The following PPIL6 variants were observed in gnomAD, a reference collection of about 807,000 sequenced individuals.
PPIL6 encodes the protein peptidylprolyl isomerase like 6, also known as probable inactive peptidyl-prolyl cis-trans isomerase-like 6.
In PPIL6, 39 loss-of-function variants were observed where a neutral mutation model predicts 36.8. The ratio of observed to expected loss-of-function variants is 1.06; its 90% CI spans 0.82 to 1.38. The LOEUF (loss-of-function observed/expected upper bound fraction) is 1.38, where lower values mean the gene tolerates loss of function less well. Among genes scored for constraint, PPIL6 ranks in the 40% most tolerant of loss-of-function variants. The pLI is 0.00. For synonymous variants in PPIL6, 123 were observed against 134.1 expected, an observed-to-expected ratio of 0.92 and a Z score of 0.57; for missense variants, 368 against 379.1, an observed-to-expected ratio of 0.97 and a Z score of 0.24.
At chr6:109,417,127 G>A (rs189190995) in intron 6 of PPIL6, among the ~76,000 whole-genome samples, 2 of 149,746 alleles carry the variant, frequency 1.3e-5, no homozygotes, top group Admixed American at 6.7e-5. Flanking sequence ...CTATGATCAC[G>A]CCATTGCACT....
At position 109,391,002 on chromosome 6, in the gene PPIL6, C is replaced by T. The variant is rs1383718881; in HGVS notation, c.*1824G>A. On this transcript the variant is annotated 3_prime_UTR_variant, in exon 8 of 8. Transcript: ENST00000521072. ...TTCTGCTTAGGGTAAGAAAAGCACT[C>T]TCAGCCGGGTGCGGTGGCTCACGCC... The T allele has an allele frequency of 2.6e-5, 4 of 152,036 alleles. No individual in the cohort carries two copies. The highest frequency in any genetic ancestry group is 4.8e-5 in the African/African-American group (2 of 41,318). 9.4% of individuals were successfully genotyped at this position (152,036 alleles called of 1,614,324 possible).
At chr6:109,437,631 T>C (rs891191238) in intron 1 of PPIL6, among the ~76,000 whole-genome samples, 24 of 142,224 alleles carry the variant, frequency 1.7e-4, no homozygotes, top group African/African-American at 6.1e-4. Context: ...CTCAGCTCAC[T>C]GCAACCTCCG....
chr6:109,421,025 G>GC (rs954677035), intron 5 of PPIL6, among the ~76,000 whole-genome samples: 4 of 152,086 alleles, frequency 2.6e-5, no homozygotes, highest in East Asian at 1.9e-4. Context: ...GAAGCTGAGG[G>GC]CCCCCCCACC....
chr6:109,417,120 T>C (rs945794332), intron 6 of PPIL6, among the ~76,000 whole-genome samples: 1 of 150,392 alleles, frequency 6.6e-6, no homozygotes, highest in Non-Finnish European at 1.5e-5. Flanking sequence ...CCATGAGCTA[T>C]GATCACGCCA....
At position 109,420,332 on chromosome 6, in the gene PPIL6, CAAAAAAAAAAA is replaced by C. The variant is rs564751735; in HGVS notation, c.632-1100_632-1090del. Among the ~76,000 whole-genome samples, 10 of 50,952 alleles carry C rather than the reference CAAAAAAAAAAA, an allele frequency of 2.0e-4. 1 individual carries two copies. Among genetic ancestry groups the C allele is most frequent in the African/African-American group, 3.9e-4 (6 of 15,268 alleles). 33.4% of individuals were successfully genotyped at this position (50,952 alleles called of 152,430 possible). A position where few individuals can be genotyped will look rare whatever the true frequency, so the allele number is the denominator to read the frequency against. On this transcript the variant is annotated intron_variant, in intron 5 of 7. Transcript: ENST00000521072. Reference sequence around the variant, plus strand: ...TGGGCGACAGTGTGAGACTCCATCTCAAAAAAAAAAAAAAAAAAAAAAAAAAAAAAGAATAT... The same window carrying C: ...TGGGCGACAGTGTGAGACTCCATCTCAAAAAAAAAAAAAAAAAAAGAATAT...
intron 2 of PPIL6, among the ~76,000 whole-genome samples, chr6:109,434,836 C>T (rs1467702233): frequency 6.6e-6 from 1 of 152,158 alleles, no homozygotes; most frequent in Non-Finnish European, 1.5e-5. Flanking sequence ...TATTGCTAAG[C>T]CAGGATGCCA....
intron 7 of PPIL6, among the ~76,000 whole-genome samples, chr6:109,396,521 G>A (rs1302203244): frequency 6.6e-6 from 1 of 152,094 alleles, no homozygotes; most frequent in African/African-American, 2.4e-5. Context: ...GCCTCTCTGC[G>A]AAACCTCTTC....
rs1228411039 is a variant in PPIL6, at chr6:109,390,244, A to G, written c.*2582T>C. On this transcript the variant is annotated 3_prime_UTR_variant, in exon 8 of 8. Transcript: ENST00000521072. ...GGTTACACATTAGTAATTTATTATT[A>G]AATTTATCGAGTGCTTACAGCAGAC... The G allele has an allele frequency of 6.6e-6, 1 of 152,230 alleles. No homozygotes were observed. The highest frequency in any genetic ancestry group is 1.5e-5 in the Non-Finnish European group (1 of 68,034). The allele number at this position is 152,230 out of a possible 1,614,324, so 9.4% of individuals were successfully genotyped here.
intron 3 of PPIL6, among the ~76,000 whole-genome samples, chr6:109,430,361 T>A (rs1254811152): frequency 6.6e-6 from 1 of 151,706 alleles, no homozygotes; most frequent in Non-Finnish European, 1.5e-5. Context: ...TTCATGACTA[T>A]CCTCTGCCAC....
chr6:109,414,037 G>A (rs756694247), intron 6 of PPIL6, among the ~76,000 whole-genome samples: 48 of 152,100 alleles, frequency 3.2e-4, no homozygotes, highest in Non-Finnish European at 5.0e-4. Flanking sequence ...AAATGAGTAA[G>A]ACCTCGTATT....
chr6:109,432,736 AG>A (rs1774223268), intron 2 of PPIL6, among the ~76,000 whole-genome samples: 1 of 152,106 alleles, frequency 6.6e-6, no homozygotes, highest in Non-Finnish European at 1.5e-5. Flanking sequence ...TTGGGATTAT[AG>A]GTGTGAGCCA....
intron 7 of PPIL6, among the ~76,000 whole-genome samples, chr6:109,396,222 G>T (rs1479652743): frequency 6.6e-6 from 1 of 152,154 alleles, no homozygotes; most frequent in Non-Finnish European, 1.5e-5. Context: ...TTCTTAAGTG[G>T]TCTTGCTACT....
upstream of PPIL6, chr6:109,440,781 G>A: frequency 2.9e-6 from 1 of 342,394 alleles, no homozygotes; most frequent in Non-Finnish European, 4.9e-6. Flanking sequence ...GACCGCCGGG[G>A]ACGAGCTTGG....
intron 7 of PPIL6, among the ~76,000 whole-genome samples, chr6:109,393,549 A>G (rs1772178284): frequency 6.6e-6 from 1 of 152,010 alleles, no homozygotes. Flanking sequence ...AGAAATAGCA[A>G]TCTGCTTTCA....
At chr6:109,438,052 TTTTG>T (rs1481451868) in intron 1 of PPIL6, among the ~76,000 whole-genome samples, 11 of 152,308 alleles carry the variant, frequency 7.2e-5, no homozygotes, top group African/African-American at 2.2e-4. Context: ...GGTTTTTACA[TTTTG>T]TTTTTTATTT....
At chr6:109,410,976 G>A (rs1772990346) in intron 6 of PPIL6, among the ~76,000 whole-genome samples, 1 of 152,170 alleles carries the variant, frequency 6.6e-6, no homozygotes, top group Admixed American at 6.5e-5. Context: ...TAGGGCTTCT[G>A]TTTGTGCCCC....
At chr6:109,406,491 C>G (rs1026857330) in intron 6 of PPIL6, among the ~76,000 whole-genome samples, 2 of 152,184 alleles carry the variant, frequency 1.3e-5, no homozygotes, top group African/African-American at 2.4e-5. Flanking sequence ...GAAGCCTCAT[C>G]ATGTCTGGTT....
chr6:109,416,945 A>G (rs12528566), intron 6 of PPIL6, among the ~76,000 whole-genome samples: 38,016 of 152,008 alleles, frequency 0.25, 4,961 homozygotes, highest in Middle Eastern at 0.31. Context: ...ACTCAGGAGG[A>G]CCACTTGAGC....
chr6:109,419,663 C>T (rs1773441705), intron 5 of PPIL6, among the ~76,000 whole-genome samples: 1 of 151,532 alleles, frequency 6.6e-6, no homozygotes, highest in Non-Finnish European at 1.5e-5. Context: ...GTGGAGGTTG[C>T]GGTGAGCCGA....
Sources: allele counts gnomAD v4.1 joint callset (sites outside exome capture counted in the v4.1 genomes callset), GRCh38; gene constraint gnomAD v4.1.1; transcripts MANE v1.5; gene names NCBI Gene and HGNC (gene_info 2026-07-23, HGNC 2026-07-21).